The following NCOR2 variants were observed in gnomAD, a reference collection of about 807,000 sequenced individuals.
The protein encoded by NCOR2 is CTG repeat protein 26.
In NCOR2, 81 loss-of-function variants were observed where a neutral mutation model predicts 262.9. That is an observed-to-expected ratio of 0.31 (90% CI 0.26 to 0.37). The LOEUF (loss-of-function observed/expected upper bound fraction) is 0.37. NCOR2 is among the 10% of genes least tolerant of loss of function. The probability of loss-of-function intolerance (pLI) is 1.00; values close to 1 mark genes in which losing one functional copy is unlikely to be tolerated. For synonymous variants in NCOR2, 1,659 were observed against 1,559.3 expected, an observed-to-expected ratio of 1.06 and a Z score of -1.51; for missense variants, 3,385 against 3,621.4, an observed-to-expected ratio of 0.93 and a Z score of 1.68.
At chr12:124,520,030 G>A (rs981744259) in intron 1 of NCOR2, among the ~76,000 whole-genome samples, 1 of 152,214 alleles carries the variant, frequency 6.6e-6, no homozygotes, top group Non-Finnish European at 1.5e-5. Context: ...TGTGACAGGG[G>A]CCCGTGGCCA....
Position 124,549,138 on chromosome 12 carries a change from A to T in NCOR2, c.-164-13527T>A, listed in dbSNP as rs1443049284. On this transcript the variant is annotated intron_variant, in intron 1 of 32. Coordinates refer to the NCOR2 transcript ENST00000458234. This position sits in a 1 kb window ranked among gnomAD's most constrained non-coding sequence, Gnocchi z 4.4. ...GATGCAGTGTGGCGCTGAGCCAGGG[A>T]GCTAACCTCTCTGAGCCTTCGCTGC... Among the ~76,000 whole-genome samples, 1 of 151,856 alleles carries T rather than the reference A, an allele frequency of 6.6e-6. No individual in the cohort carries two copies. Among genetic ancestry groups the T allele is most frequent in the African/African-American group, 2.4e-5 (1 of 41,286 alleles).
chr12:124,353,797 C>T (rs565841371), intron 27 of NCOR2, among the ~76,000 whole-genome samples: 1 of 152,362 alleles, frequency 6.6e-6, no homozygotes, highest in African/African-American at 2.4e-5. Context: ...GCATTCTCAG[C>T]CGCGGTACGC....
At chr12:124,395,961 A>G (rs2136173435) in intron 16 of NCOR2, among the ~76,000 whole-genome samples, 1 of 152,356 alleles carries the variant, frequency 6.6e-6, no homozygotes, top group East Asian at 1.9e-4. Context: ...ACATCCCCCA[A>G]GAGATGAACG....
At position 124,495,094 on chromosome 12, in the gene NCOR2, TGGAAGA is replaced by T; in HGVS notation, c.105+47_105+52del. 1.9e-6 allele frequency: 3 copies of T among 1,593,360 alleles called. No individual in the cohort carries two copies. In the South Asian group the frequency reaches 3.4e-5, roughly 18 times the overall value. On this transcript the variant is annotated intron_variant, in intron 1 of 46. Coordinates refer to ENST00000405201, the Ensembl canonical transcript of NCOR2. The surrounding 1 kb of genome is among the most constrained non-coding windows in gnomAD (Gnocchi z 4.4). ...AGGAAGGGGTGAAGACTCAGTGGAA[TGGAAGA>T]AGGGTCTCAAAGGTAGCCCCAGGCG...
At chr12:124,453,633 C>T (rs2045677998) in intron 6 of NCOR2, among the ~76,000 whole-genome samples, 2 of 152,248 alleles carry the variant, frequency 1.3e-5, no homozygotes, top group Non-Finnish European at 2.9e-5. Flanking sequence ...TCCCAGGCGG[C>T]CTGAGCTGGC....
rs1566360372 is a variant in NCOR2, at chr12:124,337,196, A to C, written c.5688-16T>G. On this transcript the variant is annotated splice_polypyrimidine_tract_variant and intron_variant, in intron 37 of 46. Coordinates refer to ENST00000405201, the Ensembl canonical transcript of NCOR2. ...GGAGGTGGACCTGGGGGAGGAGAGA[A>C]GGCGGTCAGGCAGTCATGGGAGCTG... 2.6e-6 allele frequency: 4 copies of C among 1,546,142 alleles called. No homozygotes were observed. The African/African-American group carries it at 5.5e-5, about 21-fold the overall frequency.
At chr12:124,509,390 G>A (rs1447222703) in intron 1 of NCOR2, among the ~76,000 whole-genome samples, 1 of 152,200 alleles carries the variant, frequency 6.6e-6, no homozygotes, top group African/African-American at 2.4e-5. Flanking sequence ...CTGAAAGTGG[G>A]GAGCACCTGG....
chr12:124,536,285 C>T (rs1347576704), upstream of NCOR2, among the ~76,000 whole-genome samples: 1 of 152,018 alleles, frequency 6.6e-6, no homozygotes, highest in African/African-American at 2.4e-5. Context: ...ACCATGTTGC[C>T]CAGGCTGGTT....
exon 29 of NCOR2, chr12:124,348,257 G>A (rs561193208): frequency 1.2e-6 from 2 of 1,613,212 alleles, no homozygotes; most frequent in Non-Finnish European, 8.5e-7. Context: ...CGTCTCATGG[G>A]GGGGTCCTGA....
chr12:124,366,494 T>TA (rs1187137161), intron 20 of NCOR2, among the ~76,000 whole-genome samples: 2 of 152,074 alleles, frequency 1.3e-5, no homozygotes, highest in African/African-American at 2.4e-5. Context: ...TAACACTGAA[T>TA]ATACTAAGAA....
At chr12:124,422,616 C>A (rs1447068002) in intron 11 of NCOR2, 61 bp from the exon 14 acceptor site, 1 of 1,598,462 alleles carries the variant, frequency 6.3e-7, no homozygotes, top group African/African-American at 1.3e-5. Flanking sequence ...GCGGGGCAGC[C>A]GATCGGCTCC....
intron 16 of NCOR2, among the ~76,000 whole-genome samples, chr12:124,393,685 G>A (rs769127806): frequency 6.6e-6 from 1 of 152,228 alleles, no homozygotes; most frequent in Non-Finnish European, 1.5e-5. Flanking sequence ...GAGTGCCTGG[G>A]TTCAAATCCC....
chr12:124,412,168 T>C (rs948978702), intron 13 of NCOR2, among the ~76,000 whole-genome samples: 6 of 152,260 alleles, frequency 3.9e-5, no homozygotes, highest in Non-Finnish European at 5.9e-5. Flanking sequence ...TCCAGAGACG[T>C]CCCATGGCCA....
chr12:124,344,780 G>A (rs1213899410), exon 32 of NCOR2: 12 of 1,550,224 alleles, frequency 7.7e-6, no homozygotes, highest in African/African-American at 1.4e-5. Context: ...GTCCCTGGCC[G>A]GCTCTTCAGG....
intron 11 of NCOR2, 38 bp downstream of exon 13, chr12:124,426,584 G>A (rs763049168): frequency 4.6e-6 from 7 of 1,527,982 alleles, no homozygotes; most frequent in Non-Finnish European, 6.2e-6. Context: ...GATGGGGGTG[G>A]GGGGCCGGGA....
Position 124,503,617 on chromosome 12 carries a change from T to C in NCOR2, c.-117-8249A>G, listed in dbSNP as rs532070914. On this transcript the variant is annotated intron_variant, in intron 1 of 46. Coordinates refer to the NCOR2 transcript ENST00000404621. This position sits in a 1 kb window ranked among gnomAD's most constrained non-coding sequence, Gnocchi z 4.3. ...ATGGATGGATGGACGGACGGACGGA[T>C]GGATGGATGGATGGATGGGCGAATG... Among the ~76,000 whole-genome samples the C allele has an allele frequency of 0.022, 2,991 of 137,012 alleles. 81 individuals are homozygous for C. The highest frequency in any genetic ancestry group is 0.066 in the African/African-American group (2,458 of 37,104). The allele number at this position is 137,012 out of a possible 152,430, so 89.9% of individuals were successfully genotyped here.
At chr12:124,365,188 G>A (rs774825177) in intron 20 of NCOR2, among the ~76,000 whole-genome samples, 5 of 152,202 alleles carry the variant, frequency 3.3e-5, no homozygotes, top group Non-Finnish European at 7.4e-5. Context: ...AGGCGTGAGG[G>A]CAGCAGCCAC....
intron 20 of NCOR2, among the ~76,000 whole-genome samples, chr12:124,366,624 A>G (rs917469825): frequency 1.8e-4 from 28 of 152,114 alleles, no homozygotes; most frequent in African/African-American, 6.5e-4. Context: ...CTCCCACCTC[A>G]GCCTCCGGAA....
At chr12:124,520,885 T>C (rs1438874816) in intron 1 of NCOR2, among the ~76,000 whole-genome samples, 2 of 151,910 alleles carry the variant, frequency 1.3e-5, no homozygotes, top group African/African-American at 2.4e-5. Flanking sequence ...GTGGGAAAGA[T>C]CGGTGAAGAC....
Sources: allele counts gnomAD v4.1 joint callset (sites outside exome capture counted in the v4.1 genomes callset), GRCh38; gene constraint gnomAD v4.1.1; non-coding constraint Gnocchi (gnomAD v3.1); transcripts MANE v1.5; gene names NCBI Gene and HGNC (gene_info 2026-07-23, HGNC 2026-07-21).